Variants in SLC25A21 observed in about 807,000 individuals in gnomAD.
SLC25A21 encodes solute carrier family 25 member 21.
In SLC25A21, 47 loss-of-function variants were observed where a neutral mutation model predicts 43.8. The observed-to-expected ratio is 1.07, with a 90% CI of 0.85 to 1.37. The LOEUF (loss-of-function observed/expected upper bound fraction) is 1.37. Ranked by LOEUF, SLC25A21 falls within the 40% of genes most tolerant of loss-of-function variation. SLC25A21 has a pLI of 0.00. For missense variants in SLC25A21, 352 were observed against 350.2 expected (o/e 1.00, Z -0.04); for synonymous variants, 131 against 121.3 (o/e 1.08, Z -0.52).
At chr14:36,972,923 C>T (rs1959784150) in intron 1 of SLC25A21, among the ~76,000 whole-genome samples, 1 of 152,110 alleles carries the variant, frequency 6.6e-6, no homozygotes, top group African/African-American at 2.4e-5. Flanking sequence ...GCCTTAAACT[C>T]CTGGGCTCAA....
intron 3 of SLC25A21, among the ~76,000 whole-genome samples, chr14:36,793,493 C>T (rs531395518): frequency 6.8e-6 from 1 of 146,194 alleles, no homozygotes; most frequent in South Asian, 2.2e-4. Context: ...AAGCCTCTCC[C>T]ATGAGCCTTC....
At chr14:36,982,883 T>A (rs1002502518) in intron 1 of SLC25A21, among the ~76,000 whole-genome samples, 16 of 151,974 alleles carry the variant, frequency 1.1e-4, no homozygotes, top group Admixed American at 1.0e-3. Context: ...CTAAATAATA[T>A]CCCTCTTCAA....
At position 36,684,811 on chromosome 14, in the gene SLC25A21, G is replaced by A. The variant is rs1017928170; in HGVS notation, c.718C>T (p.Pro240Ser). 1 of 1,613,966 alleles carries A rather than the reference G, an allele frequency of 6.2e-7. No homozygotes were observed. ...CTGTACTTGATCTCTCCAGGAACTGGTTGAGGCCCTTGAATCCTACTTTTG... is the reference window on the plus strand; with the variant it reads ...CTGTACTTGATCTCTCCAGGAACTGATTGAGGCCCTTGAATCCTACTTTTG... The part of the protein sequence containing the change: ...VAKSRIQGPQ[P>S]VPGEIKYRTC... The change falls in exon 8 of 10, where the codon CCA becomes TCA. Residue 240 changes from proline (P) to serine (S), a missense_variant. By Grantham distance (74) the Pro-to-Ser change is moderately conservative (BLOSUM62 -1). Coordinates refer to ENST00000331299, the MANE Select transcript of SLC25A21 (RefSeq NM_030631.4).
chr14:36,982,895 T>C (rs1222100506), intron 1 of SLC25A21, among the ~76,000 whole-genome samples: 1 of 152,074 alleles, frequency 6.6e-6, no homozygotes, highest in Non-Finnish European at 1.5e-5. Context: ...CCTCTTCAAG[T>C]GTGTTTCAAG....
intron 1 of SLC25A21, among the ~76,000 whole-genome samples, chr14:36,998,920 T>C (rs1007393213): frequency 6.6e-6 from 1 of 152,120 alleles, no homozygotes; most frequent in East Asian, 1.9e-4. Flanking sequence ...GGAGAGGATA[T>C]AGAGCAACAG....
chr14:36,697,376 T>A (rs1405596474), intron 7 of SLC25A21, among the ~76,000 whole-genome samples: 1 of 152,224 alleles, frequency 6.6e-6, no homozygotes, highest in Non-Finnish European at 1.5e-5. Context: ...CTGAGAAGAA[T>A]GTATATTCTG....
chr14:37,036,026 T>C (rs903658409), intron 1 of SLC25A21, among the ~76,000 whole-genome samples: 5 of 152,164 alleles, frequency 3.3e-5, no homozygotes, highest in African/African-American at 1.2e-4. Context: ...CTTGGACAAA[T>C]GAGTTAAGTT....
intron 1 of SLC25A21, among the ~76,000 whole-genome samples, chr14:36,965,074 C>A (rs1415642344): frequency 6.6e-6 from 1 of 152,106 alleles, no homozygotes; most frequent in East Asian, 1.9e-4. Context: ...AATCTGGACC[C>A]ATTGTCTAAC....
chr14:36,742,219 T>C (rs1885297973), intron 3 of SLC25A21, among the ~76,000 whole-genome samples: 1 of 152,214 alleles, frequency 6.6e-6, no homozygotes, highest in Non-Finnish European at 1.5e-5. Flanking sequence ...GATCTCCTAA[T>C]ACAAAGCTGA....
Position 37,137,423 on chromosome 14 carries a change from G to A in SLC25A21, c.70+34858C>T, listed in dbSNP as rs183809793. 2.6e-3 allele frequency among the ~76,000 whole-genome samples: 395 copies of A among 152,186 alleles called. 1 individual carries two copies. The highest frequency in any genetic ancestry group is 9.1e-3 in the African/African-American group (378 of 41,510). On this transcript the variant is annotated intron_variant, in intron 1 of 9. Transcript: ENST00000331299. ...TTCAAAATTTAATTTTGCCCATTATGCAAAAACACAATTATAATTTCTTGT... is the reference window on the plus strand; with the variant it reads ...TTCAAAATTTAATTTTGCCCATTATACAAAAACACAATTATAATTTCTTGT...
intron 1 of SLC25A21, among the ~76,000 whole-genome samples, chr14:37,128,967 T>C (rs926882898): frequency 2.0e-5 from 3 of 152,202 alleles, no homozygotes; most frequent in Non-Finnish European, 4.4e-5. Flanking sequence ...TAGCCACCTG[T>C]GGCTACTTAA....
intron 1 of SLC25A21, among the ~76,000 whole-genome samples, chr14:37,021,473 C>T (rs1159442960): frequency 1.3e-5 from 2 of 151,968 alleles, no homozygotes; most frequent in East Asian, 1.9e-4. Flanking sequence ...TCTATTTTTA[C>T]GAAACATAGC....
chr14:36,694,742 C>T (rs1478260394), intron 7 of SLC25A21, among the ~76,000 whole-genome samples: 1 of 152,152 alleles, frequency 6.6e-6, no homozygotes, highest in Admixed American at 6.5e-5. Context: ...ATCCTTTGCC[C>T]ACTTTTTCAT....
intron 2 of SLC25A21, among the ~76,000 whole-genome samples, chr14:36,818,011 T>C (rs1436244008): frequency 6.6e-6 from 1 of 152,204 alleles, no homozygotes; most frequent in East Asian, 1.9e-4. Context: ...TTATACACTC[T>C]ACTATTTGGG....
intron 1 of SLC25A21, among the ~76,000 whole-genome samples, chr14:36,995,952 A>ATTC (rs1234905975): frequency 2.6e-5 from 4 of 152,182 alleles, no homozygotes; most frequent in Non-Finnish European, 5.9e-5. Flanking sequence ...TATGATGTAA[A>ATTC]TACTATCACT....
rs114815809 is a variant in SLC25A21 at position 36,982,425 on chromosome 14, G to A, written c.71-107421C>T. Among the ~76,000 whole-genome samples, 380 of 152,184 alleles carry A rather than the reference G, an allele frequency of 2.5e-3. 1 individual carries two copies. The highest frequency in any genetic ancestry group is 8.7e-3 in the African/African-American group (361 of 41,508). On this transcript the variant is annotated intron_variant, in intron 1 of 9. Coordinates refer to ENST00000331299, the MANE Select transcript of SLC25A21 (RefSeq NM_030631.4). ...CCTCCTTTTCATCCTGTTGGGGCTC[G>A]CACACATGGAACAAAGAACAAAATT...
intron 1 of SLC25A21, among the ~76,000 whole-genome samples, chr14:37,143,589 C>CGTGTGTGTGTGTGTGTGTGTGTGTGTGT (rs10531936): frequency 6.7e-6 from 1 of 148,538 alleles, no homozygotes. Flanking sequence ...TGTTCATTAG[C>CGTGTGTGTGTGTGTGTGTGTGTGTGTGT]GTGTGTGTGT....
intron 9 of SLC25A21, 70 bp from the exon 10 acceptor site, chr14:36,680,789 T>G: frequency 7.0e-7 from 1 of 1,432,476 alleles, no homozygotes; most frequent in Non-Finnish European, 9.7e-7. Flanking sequence ...ACTGGGTTTC[T>G]GAATCCATGA....
At chr14:36,853,567 A>G (rs2138519090) in intron 2 of SLC25A21, among the ~76,000 whole-genome samples, 1 of 152,258 alleles carries the variant, frequency 6.6e-6, no homozygotes, top group African/African-American at 2.4e-5. Flanking sequence ...CGTTCCTGTG[A>G]GTGGCCTGGC....
Sources: allele counts gnomAD v4.1 joint callset (sites outside exome capture counted in the v4.1 genomes callset), GRCh38; gene constraint gnomAD v4.1.1; transcripts MANE v1.5; gene names NCBI Gene and HGNC (gene_info 2026-07-23, HGNC 2026-07-21).